The following DCHS2 variants were observed in gnomAD, a reference collection of about 807,000 sequenced individuals.
DCHS2 encodes dachsous cadherin-related 2.
Under a neutral mutation model 182.4 loss-of-function variants are expected in DCHS2, and 142 were observed. That is an observed-to-expected ratio of 0.78 (90% CI 0.68 to 0.89). DCHS2 has a LOEUF of 0.89. Among genes scored for constraint, DCHS2 ranks in the 40% least tolerant of loss-of-function variants. The probability of loss-of-function intolerance (pLI) is 0.00; values close to 1 mark genes in which losing one functional copy is unlikely to be tolerated. For synonymous variants in DCHS2, 1,740 were observed against 1,663.3 expected (o/e 1.05, Z -1.12); for missense variants, 4,319 against 4,198.6 (o/e 1.03, Z -0.79).
chr4:154,305,252 A>C, intron 10 of DCHS2, 21 bp from the exon 11 acceptor site: 1 of 1,598,364 alleles, frequency 6.3e-7, no homozygotes, highest in East Asian at 2.2e-5. Flanking sequence ...ATATAAAGAA[A>C]AACTTAGCAA....
chr4:154,473,229 T>C (rs1346192368), intron 1 of DCHS2, among the ~76,000 whole-genome samples: 2 of 152,202 alleles, frequency 1.3e-5, no homozygotes, highest in Non-Finnish European at 2.9e-5. Context: ...GTGAAAAACC[T>C]TGGCCACCAC....
rs189713985 is a variant in DCHS2 at position 154,360,711 on chromosome 4, C to A, written c.2476+5499G>T. Among the ~76,000 whole-genome samples the A allele has an allele frequency of 1.4e-4, 22 of 152,250 alleles. No individual in the cohort carries two copies. In the East Asian group the frequency reaches 4.2e-3, roughly 29 times the overall value. ...GAATCTGCCCTTGAAATACAGAAAA[C>A]AAGTCTGTACTACATTACTTACAGT... On this transcript the variant is annotated intron_variant, in intron 3 of 19. Transcript: ENST00000357232.
intron 14 of DCHS2, among the ~76,000 whole-genome samples, chr4:154,267,342 C>T (rs1308004899): frequency 1.3e-5 from 2 of 152,108 alleles, no homozygotes; most frequent in African/African-American, 2.4e-5. Context: ...AAAATACAAC[C>T]TCAACATTTT....
rs1735360050 is a variant in DCHS2, at chr4:154,304,581, A to G, written c.5605+88T>C. On this transcript the variant is annotated intron_variant, in intron 12 of 19. Coordinates refer to ENST00000357232, the MANE Select transcript of DCHS2 (RefSeq NM_001358235.2). Reference sequence around the variant, plus strand: ...CTGGGAGGTGAAGTTGCAGTGAGCCATCGCGCCACTGCACTCCAGCCTGGG... The same window carrying G: ...CTGGGAGGTGAAGTTGCAGTGAGCCGTCGCGCCACTGCACTCCAGCCTGGG... 1.3e-5 allele frequency: 16 copies of G among 1,236,782 alleles called. No individual in the cohort carries two copies. In the South Asian group the frequency reaches 1.5e-4, roughly 11 times the overall value. The allele number at this position is 1,236,782 out of a possible 1,614,324, so 76.6% of individuals were successfully genotyped here.
At chr4:154,374,109 C>T (rs1321598621) in intron 2 of DCHS2, 3 of 631,048 alleles carry the variant, frequency 4.8e-6, no homozygotes, top group Admixed American at 3.1e-5. Context: ...ACTTCTGGAG[C>T]ACTGTGCTTT....
chr4:154,440,752 C>T (rs893933716), intron 1 of DCHS2, among the ~76,000 whole-genome samples: 4 of 152,014 alleles, frequency 2.6e-5, no homozygotes, highest in African/African-American at 9.7e-5. Context: ...CCTTCTTATC[C>T]CTACAGGCTA....
At chr4:154,451,038 G>C (rs1409732111) in intron 1 of DCHS2, among the ~76,000 whole-genome samples, 1 of 152,168 alleles carries the variant, frequency 6.6e-6, no homozygotes, top group Non-Finnish European at 1.5e-5. Context: ...TGCTACTCCA[G>C]TCCATTCACT....
At chr4:154,374,001 G>T in intron 2 of DCHS2, 37 of 548,360 alleles carry the variant, frequency 6.7e-5, no homozygotes, top group Admixed American at 1.7e-4. Context: ...TATTTTAATA[G>T]CAAAAAAAAA....
At chr4:154,427,070 G>A (rs1356209778) in intron 1 of DCHS2, among the ~76,000 whole-genome samples, 1 of 152,176 alleles carries the variant, frequency 6.6e-6, no homozygotes, top group Admixed American at 6.5e-5. Context: ...TGATGGATAG[G>A]CTAAACACTG....
At chr4:154,240,222 A>T (rs1042253172) in intron 18 of DCHS2, among the ~76,000 whole-genome samples, 1 of 152,112 alleles carries the variant, frequency 6.6e-6, no homozygotes, top group Non-Finnish European at 1.5e-5. Flanking sequence ...TTAACTGCAG[A>T]TAATGCAAAC....
intron 12 of DCHS2, among the ~76,000 whole-genome samples, chr4:154,299,783 G>A (rs954613357): frequency 3.3e-5 from 5 of 152,146 alleles, no homozygotes; most frequent in African/African-American, 1.2e-4. Flanking sequence ...CAAGATCACA[G>A]ATATGAAGGG....
In DCHS2 at chr4:154,297,802, A is replaced by G. The variant is rs1561021603; in HGVS notation, c.6463+49T>C. On this transcript the variant is annotated intron_variant, in intron 13 of 19. Coordinates refer to ENST00000357232, the MANE Select transcript of DCHS2 (RefSeq NM_001358235.2). Reference sequence around the variant, plus strand: ...TGTAGTATAATCCGTACTCTTAAGCATTTTGTCAAAACAGGTACAATATAT... The same window carrying G: ...TGTAGTATAATCCGTACTCTTAAGCGTTTTGTCAAAACAGGTACAATATAT... 1.9e-6 allele frequency: 3 copies of G among 1,558,174 alleles called. No individual in the cohort carries two copies. The Admixed American group carries it at 5.9e-5, about 31-fold the overall frequency.
At position 154,235,373 on chromosome 4, in the gene DCHS2, G is replaced by A; in HGVS notation, c.9279C>T (p.Gly3093=). The A allele has an allele frequency of 6.2e-7, 1 of 1,613,950 alleles. No homozygotes were observed. The highest frequency in any genetic ancestry group is 8.5e-7 in the Non-Finnish European group (1 of 1,179,942). The part of the protein sequence containing the change: ...VNLYRHSNSS[G]HCSVEGETAE... ...CAGTTTCTCCTTCCACAGAACAGTG[G>A]CCACTGGAGTTTGAGTGTCTGTACA... Residue 3093 remains glycine, a synonymous_variant, in exon 20 of 20, where the codon GGC becomes GGT. Coordinates refer to ENST00000357232, the MANE Select transcript of DCHS2 (RefSeq NM_001358235.2).
chr4:154,491,013 C>T lies in DCHS2; in HGVS notation c.343G>A (p.Asp115Asn). ...CCGGTGTCCGGGTGCACGTGGAAGT[C>T]GTCCAGCAGCGGGGAGTCATCGGAG... Reference protein sequence around the residue: ...EDSDDSPLLDDFHVHPDTGII... With the variant: ...EDSDDSPLLDNFHVHPDTGII... Residue 115 changes from aspartate to asparagine, a missense_variant, in exon 1 of 20, where the codon GAC becomes AAC. By Grantham distance (23) the Asp-to-Asn change is conservative. Coordinates refer to ENST00000357232, the MANE Select transcript of DCHS2 (RefSeq NM_001358235.2). The T allele has an allele frequency of 2.6e-6, 4 of 1,550,624 alleles. No individual in the cohort carries two copies. The highest frequency in any genetic ancestry group is 1.2e-5 in the South Asian group (1 of 84,018).
chr4:154,383,209 C>A (rs1482828356), intron 1 of DCHS2, among the ~76,000 whole-genome samples: 4 of 152,128 alleles, frequency 2.6e-5, no homozygotes. Flanking sequence ...AGCTGGCTGC[C>A]ATTATCTTAA....
chr4:154,433,271 G>A (rs1376783566), intron 1 of DCHS2, among the ~76,000 whole-genome samples: 2 of 152,056 alleles, frequency 1.3e-5, no homozygotes, highest in African/African-American at 2.4e-5. Context: ...CAGAAGCTTG[G>A]AGGAAATGAG....
chr4:154,250,165 C>A (rs1415004810), intron 16 of DCHS2, among the ~76,000 whole-genome samples: 1 of 152,038 alleles, frequency 6.6e-6, no homozygotes, highest in East Asian at 1.9e-4. Context: ...ACAACCAATA[C>A]CTCATGGATA....
Position 154,234,437 on chromosome 4 carries a change from T to TTAGA in DCHS2, c.*95_*98dup. ...TCTAACTAAATTACATCACTTGCTT[T>TTAGA]TAGATAAAAATGAGCCCAATCTCGA... On this transcript the variant is annotated 3_prime_UTR_variant, in exon 20 of 20. Transcript: ENST00000357232. 2.8e-6 allele frequency: 4 copies of TTAGA among 1,411,744 alleles called. No homozygotes were observed. Among genetic ancestry groups the TTAGA allele is most frequent in the Non-Finnish European group, 3.7e-6 (4 of 1,073,568 alleles). 87.5% of individuals were successfully genotyped at this position (1,411,744 alleles called of 1,614,324 possible).
At chr4:154,336,170 A>C (rs1728799465) in intron 3 of DCHS2, among the ~76,000 whole-genome samples, 1 of 152,242 alleles carries the variant, frequency 6.6e-6, no homozygotes, top group African/African-American at 2.4e-5. Flanking sequence ...GCAAATGTAA[A>C]GACAATGGGG....
Sources: allele counts gnomAD v4.1 joint callset (sites outside exome capture counted in the v4.1 genomes callset), GRCh38; gene constraint gnomAD v4.1.1; transcripts MANE v1.5; gene names NCBI Gene and HGNC (gene_info 2026-07-23, HGNC 2026-07-21).